The following CNTN4 variants were observed in gnomAD, a reference collection of about 807,000 sequenced individuals.
The protein encoded by CNTN4 is contactin-4.
A neutral mutation model predicts 122.5 loss-of-function variants in CNTN4; 77 were observed. That is an observed-to-expected ratio of 0.63 (90% CI 0.52 to 0.76). The LOEUF (loss-of-function observed/expected upper bound fraction) is 0.76. Among genes scored for constraint, CNTN4 ranks in the 30% least tolerant of loss-of-function variants. CNTN4 has a pLI of 0.00. For synonymous variants in CNTN4, 512 were observed against 447.0 expected (o/e 1.15, Z -1.83); for missense variants, 1,256 against 1,259.1 (o/e 1.00, Z 0.04).
At chr3:2,421,848 A>G (rs1412077345) in intron 3 of CNTN4, among the ~76,000 whole-genome samples, 1 of 152,206 alleles carries the variant, frequency 6.6e-6, no homozygotes, top group Non-Finnish European at 1.5e-5. Flanking sequence ...TTCTCATTCT[A>G]CTAAGGAGAA....
chr3:2,132,663 C>A (rs1385377618), intron 2 of CNTN4, among the ~76,000 whole-genome samples: 1 of 152,146 alleles, frequency 6.6e-6, no homozygotes, highest in African/African-American at 2.4e-5. Context: ...AGATTGTCAT[C>A]ATTTTTCCTT....
intron 4 of CNTN4, among the ~76,000 whole-genome samples, chr3:2,687,257 T>C (rs556307576): frequency 6.6e-6 from 1 of 152,404 alleles, no homozygotes; most frequent in African/African-American, 2.4e-5. Context: ...TTGCCTTCTA[T>C]AGGCAGGGCA....
chr3:2,669,149 T>G (rs1478943569), intron 4 of CNTN4, among the ~76,000 whole-genome samples: 2 of 152,206 alleles, frequency 1.3e-5, no homozygotes, highest in African/African-American at 4.8e-5. Flanking sequence ...TTGATTGGAA[T>G]AGTTTCAGAA....
intron 2 of CNTN4, among the ~76,000 whole-genome samples, chr3:2,278,415 T>C (rs2041597834): frequency 6.6e-6 from 1 of 152,178 alleles, no homozygotes; most frequent in African/African-American, 2.4e-5. Flanking sequence ...TTACCTTTTG[T>C]GAACTGGGTG....
intron 13 of CNTN4, among the ~76,000 whole-genome samples, chr3:2,940,978 A>G (rs774432594): frequency 2.0e-5 from 3 of 152,188 alleles, no homozygotes; most frequent in Non-Finnish European, 2.9e-5. Context: ...AAAGGGTTTT[A>G]TTCCAAAAGA....
At chr3:2,151,288 A>G (rs1189508490) in intron 2 of CNTN4, among the ~76,000 whole-genome samples, 1 of 152,144 alleles carries the variant, frequency 6.6e-6, no homozygotes, top group Non-Finnish European at 1.5e-5. Context: ...GGAAAATGGG[A>G]CTAAGAGGCA....
chr3:2,568,178 A>T (rs1238286670), intron 3 of CNTN4, among the ~76,000 whole-genome samples: 1 of 152,122 alleles, frequency 6.6e-6, no homozygotes, highest in African/African-American at 2.4e-5. Flanking sequence ...CTGCATGTAG[A>T]TTCTTGGAAA....
intron 2 of CNTN4, among the ~76,000 whole-genome samples, chr3:2,203,696 T>C (rs2038211513): frequency 6.6e-6 from 1 of 152,052 alleles, no homozygotes; most frequent in African/African-American, 2.4e-5. Context: ...ATTCATCATA[T>C]TGGGAAAGAA....
chr3:2,257,641 C>T (rs1302197162), intron 2 of CNTN4, among the ~76,000 whole-genome samples: 2 of 152,192 alleles, frequency 1.3e-5, no homozygotes, highest in Non-Finnish European at 2.9e-5. Flanking sequence ...ACAGACACTT[C>T]TCAAAAGAAG....
At chr3:2,872,784 G>C (rs2093801385) in intron 8 of CNTN4, among the ~76,000 whole-genome samples, 1 of 151,952 alleles carries the variant, frequency 6.6e-6, no homozygotes, top group Non-Finnish European at 1.5e-5. Context: ...ATATAAACCA[G>C]ATATATTGTC....
chr3:2,546,377 G>A (rs1326709574), intron 3 of CNTN4, among the ~76,000 whole-genome samples: 1 of 151,630 alleles, frequency 6.6e-6, no homozygotes, highest in Non-Finnish European at 1.5e-5. Flanking sequence ...GGATGGAGCT[G>A]GAGGCCATCA....
chr3:2,279,989 A>T lies in CNTN4; in HGVS notation c.-144-59189A>T, dbSNP rs144951986. ...TATATATAGAGAGAGAGATAGATAT[A>T]GAGCTAGGTATAGATATATAAAGGA... is the stretch of plus-strand genomic sequence containing the variant. On this transcript the variant is annotated intron_variant, in intron 2 of 24. Transcript: ENST00000418658. Among the ~76,000 whole-genome samples, 1,226 of 147,338 alleles carry T rather than the reference A, an allele frequency of 8.3e-3. 18 individuals are homozygous for T. The highest frequency in any genetic ancestry group is 0.028 in the African/African-American group (1,161 of 41,128).
chr3:2,432,008 C>G (rs2048091318), intron 3 of CNTN4, among the ~76,000 whole-genome samples: 1 of 152,160 alleles, frequency 6.6e-6, no homozygotes, highest in African/African-American at 2.4e-5. Context: ...TCTGTAATGC[C>G]CTGCAAATCG....
chr3:2,735,549 T>C (rs2089020177), intron 4 of CNTN4, among the ~76,000 whole-genome samples: 1 of 152,212 alleles, frequency 6.6e-6, no homozygotes, highest in Non-Finnish European at 1.5e-5. Context: ...ATAGACCAGT[T>C]TGGGCGTTAC....
rs1239829126 is a variant in CNTN4, at chr3:2,464,043, G to A, written c.-88-107373G>A. On this transcript the variant is annotated intron_variant, in intron 3 of 24. Coordinates refer to ENST00000418658, the MANE Select transcript of CNTN4 (RefSeq NM_175607.3). The stretch of plus-strand genomic sequence containing the variant: ...ATATTTGCACCCCTAACCGTAGGCA[G>A]TAATTTTGTACTTCTCAGACCATTG... 2.0e-5 allele frequency among the ~76,000 whole-genome samples: 3 copies of A among 152,110 alleles called. No individual in the cohort carries two copies. The East Asian group carries it at 5.8e-4, about 29-fold the overall frequency.
At chr3:2,887,285 A>G in intron 10 of CNTN4, 61 bp downstream of exon 10, 1 of 1,506,062 alleles carries the variant, frequency 6.6e-7, no homozygotes, top group Admixed American at 1.7e-5. Flanking sequence ...TATTGAAATC[A>G]TAAGCTGAGA....
intron 4 of CNTN4, among the ~76,000 whole-genome samples, chr3:2,581,899 G>C (rs953197900): frequency 2.0e-5 from 3 of 152,162 alleles, no homozygotes; most frequent in African/African-American, 4.8e-5. Context: ...AGAGACAAAG[G>C]CCACATATTG....
intron 3 of CNTN4, among the ~76,000 whole-genome samples, chr3:2,434,446 A>G (rs1365340771): frequency 1.3e-5 from 2 of 152,232 alleles, no homozygotes; most frequent in Middle Eastern, 3.2e-3. Context: ...CCACTGAAAC[A>G]AGGAGAATGT....
intron 6 of CNTN4, among the ~76,000 whole-genome samples, chr3:2,786,032 G>A (rs958016297): frequency 3.3e-5 from 5 of 151,894 alleles, no homozygotes; most frequent in Admixed American, 1.3e-4. Context: ...GACTACAATC[G>A]GAGAGGATTT....
Sources: allele counts gnomAD v4.1 joint callset (sites outside exome capture counted in the v4.1 genomes callset), GRCh38; gene constraint gnomAD v4.1.1; transcripts MANE v1.5; gene names NCBI Gene and HGNC (gene_info 2026-07-23, HGNC 2026-07-21).